The following CPXM2 variants were observed in gnomAD, a reference collection of about 807,000 sequenced individuals.
CPXM2 encodes the protein inactive carboxypeptidase-like protein X2.
In CPXM2, 66 loss-of-function variants were observed where a neutral mutation model predicts 86.1. The ratio of observed to expected loss-of-function variants is 0.77; its 90% confidence interval spans 0.63 to 0.94. CPXM2 has a LOEUF of 0.94. CPXM2 is among the 40% of genes least tolerant of loss of function. CPXM2 has a pLI of 0.00. For missense variants in CPXM2, 948 were observed against 1,026.3 expected (o/e 0.92, Z 1.04); for synonymous variants, 388 against 400.2 (o/e 0.97, Z 0.36).
Position 123,889,672 on chromosome 10 carries a change from G to A in CPXM2, c.304+1684C>T, listed in dbSNP as rs556309364. Among the ~76,000 whole-genome samples the A allele has an allele frequency of 2.6e-5, 4 of 152,310 alleles. No homozygotes were observed. In the East Asian group the frequency reaches 5.8e-4, roughly 22 times the overall value. On this transcript the variant is annotated intron_variant, in intron 1 of 13. Coordinates refer to ENST00000241305, the MANE Select transcript of CPXM2 (RefSeq NM_198148.3). ...GCAATTGACAAAGTAAAGTGAGGTG[G>A]CAGGTGCAGTCTTCCTATTTGCAAA...
intron 3 of CPXM2, among the ~76,000 whole-genome samples, chr10:123,856,217 G>C (rs1015010098): frequency 5.9e-5 from 9 of 152,170 alleles, no homozygotes; most frequent in Admixed American, 3.3e-4. Flanking sequence ...CCACACACTT[G>C]GTGTTTCATT....
intron 11 of CPXM2, among the ~76,000 whole-genome samples, chr10:123,758,042 T>C (rs896655987): frequency 6.6e-6 from 1 of 152,082 alleles, no homozygotes; most frequent in African/African-American, 2.4e-5. Flanking sequence ...CAGCTCCGAA[T>C]AGACCATCGC....
intron 6 of CPXM2, among the ~76,000 whole-genome samples, chr10:123,787,430 G>C (rs1048776449): frequency 2.0e-5 from 3 of 151,970 alleles, no homozygotes; most frequent in Admixed American, 1.3e-4. Flanking sequence ...TTGTCACCCA[G>C]CCTGGAGTGT....
chr10:123,838,614 C>G (rs573119537), intron 4 of CPXM2, among the ~76,000 whole-genome samples: 1 of 152,142 alleles, frequency 6.6e-6, no homozygotes, highest in Non-Finnish European at 1.5e-5. Context: ...AAAAATCTAC[C>G]GGGCTGGCAA....
chr10:123,935,439 G>C (rs1228499062), intron 2 of CPXM2, among the ~76,000 whole-genome samples: 1 of 152,166 alleles, frequency 6.6e-6, no homozygotes, highest in Non-Finnish European at 1.5e-5. Flanking sequence ...CTTAGCATCT[G>C]TCTCATGAAA....
intron 13 of CPXM2, chr10:123,750,769 T>A: frequency 1.0e-6 from 1 of 985,344 alleles, no homozygotes. Flanking sequence ...ATGAGGGGTG[T>A]TGGCCATGTC....
intron 4 of CPXM2, among the ~76,000 whole-genome samples, chr10:123,826,020 A>G (rs1848038108): frequency 6.6e-6 from 1 of 152,194 alleles, no homozygotes; most frequent in Non-Finnish European, 1.5e-5. Context: ...AGTTCCAGCA[A>G]TCAGTACAAA....
At chr10:123,923,602 A>G (rs908801798) in intron 2 of CPXM2, among the ~76,000 whole-genome samples, 1 of 152,004 alleles carries the variant, frequency 6.6e-6, no homozygotes, top group African/African-American at 2.4e-5. Context: ...AAAGAAATAA[A>G]CATTCTTAGG....
At chr10:123,926,105 C>T (rs1017888182) in intron 2 of CPXM2, among the ~76,000 whole-genome samples, 4 of 152,210 alleles carry the variant, frequency 2.6e-5, no homozygotes, top group Admixed American at 6.5e-5. Context: ...AGATTCCAAG[C>T]GGGCCAGAGG....
intron 4 of CPXM2, among the ~76,000 whole-genome samples, chr10:123,837,881 C>T (rs1564791782): frequency 6.6e-6 from 1 of 152,184 alleles, no homozygotes; most frequent in Non-Finnish European, 1.5e-5. Flanking sequence ...ACTGCGGTGG[C>T]TGAGCCTCGT....
chr10:123,941,447 C>T (rs1191247874), upstream of CPXM2, among the ~76,000 whole-genome samples: 1 of 152,190 alleles, frequency 6.6e-6, no homozygotes, highest in Non-Finnish European at 1.5e-5. Flanking sequence ...ATTATAAGGA[C>T]ACCATCATAT....
chr10:123,872,177 TATA>T (rs1327104525), intron 2 of CPXM2, among the ~76,000 whole-genome samples: 1 of 152,196 alleles, frequency 6.6e-6, no homozygotes, highest in Non-Finnish European at 1.5e-5. Context: ...CAGCAATTCT[TATA>T]GGTATACATG....
Position 123,798,049 on chromosome 10 carries a change from G to A in CPXM2, c.816C>T (p.Arg272=). The A allele has an allele frequency of 6.2e-7, 1 of 1,612,258 alleles. No homozygotes were observed. The highest frequency in any genetic ancestry group is 8.5e-7 in the Non-Finnish European group (1 of 1,179,112). Reference sequence around the variant, plus strand: ...TATCAAACCAGGACTGAGGGTTTATGCGGATGTAGCGGGCCACCATGGGGA... The same window carrying A: ...TATCAAACCAGGACTGAGGGTTTATACGGATGTAGCGGGCCACCATGGGGA... The part of the protein sequence containing the change: ...LPVPMVARYI[R]INPQSWFDNG... Residue 272 remains arginine (R), a synonymous_variant, in exon 6 of 14, where the codon CGC becomes CGT. Transcript: ENST00000241305.
At chr10:123,752,866 G>A (rs535155677) in intron 13 of CPXM2, among the ~76,000 whole-genome samples, 1 of 152,232 alleles carries the variant, frequency 6.6e-6, no homozygotes, top group African/African-American at 2.4e-5. Flanking sequence ...AATACATTGA[G>A]GAACAAACCA....
intron 13 of CPXM2, chr10:123,752,332 T>C (rs772337712): frequency 1.0e-6 from 1 of 984,920 alleles, no homozygotes; most frequent in Non-Finnish European, 1.2e-6. Context: ...TCATGGTTCA[T>C]GGCTATAAGA....
chr10:123,800,351 G>A (rs1434697002), intron 4 of CPXM2, among the ~76,000 whole-genome samples: 1 of 150,606 alleles, frequency 6.6e-6, no homozygotes, highest in African/African-American at 2.4e-5. Context: ...AGCCAGAATC[G>A]ATCACACACC....
intron 2 of CPXM2, among the ~76,000 whole-genome samples, chr10:123,915,313 T>C (rs1945526371): frequency 6.6e-6 from 1 of 152,142 alleles, no homozygotes; most frequent in Non-Finnish European, 1.5e-5. Context: ...ATCCCAGCCC[T>C]TTGGGAGGCT....
intron 2 of CPXM2, among the ~76,000 whole-genome samples, chr10:123,922,700 T>G (rs1238658805): frequency 2.0e-5 from 3 of 152,210 alleles, no homozygotes; most frequent in African/African-American, 4.8e-5. Flanking sequence ...GTGAGAGAAC[T>G]TGGCCAAGTG....
At chr10:123,907,055 G>T (rs1590116083) in intron 2 of CPXM2, among the ~76,000 whole-genome samples, 1 of 152,308 alleles carries the variant, frequency 6.6e-6, no homozygotes, top group South Asian at 2.1e-4. Flanking sequence ...ATGCTGAGAG[G>T]CACCTTAGGA....
Sources: allele counts gnomAD v4.1 joint callset (sites outside exome capture counted in the v4.1 genomes callset), GRCh38; gene constraint gnomAD v4.1.1; transcripts MANE v1.5; gene names NCBI Gene and HGNC (gene_info 2026-07-23, HGNC 2026-07-21).